Variants in MYCBP2 observed in about 807,000 individuals in gnomAD.
MYCBP2 encodes MYC binding protein 2, also known as E3 ubiquitin-protein ligase MYCBP2.
MYCBP2 carries 120 observed loss-of-function variants against 525.3 expected under a neutral mutation model. The ratio of observed to expected loss-of-function variants is 0.23; its 90% CI spans 0.20 to 0.27. The LOEUF (loss-of-function observed/expected upper bound fraction) is 0.27. MYCBP2 is among the 10% of genes least tolerant of loss of function. The pLI, the probability that MYCBP2 is intolerant of heterozygous loss-of-function variation, is 1.00. For missense variants in MYCBP2, 4,149 were observed against 5,657.1 expected (o/e 0.73, Z 8.55); for synonymous variants, 1,894 against 1,955.8 (o/e 0.97, Z 0.83).
rs1567215530 is a variant in MYCBP2, at chr13:77,306,890, G to GC, written c.303-10217dup. Among the ~76,000 whole-genome samples the GC allele has an allele frequency of 1.3e-5, 2 of 152,116 alleles. 1 individual carries two copies. Among genetic ancestry groups the GC allele is most frequent in the African/African-American group, 4.8e-5 (2 of 41,494 alleles). On this transcript the variant is annotated intron_variant, in intron 1 of 82. Transcript: ENST00000544440. The stretch of plus-strand genomic sequence containing the variant: ...AGATGGTGGGATTTTCGGAAAGATT[G>GC]CAACAAGAACATGTGTATCAAATTT...
intron 2 of MYCBP2, among the ~76,000 whole-genome samples, chr13:77,296,008 T>C (rs886424266): frequency 1.3e-5 from 2 of 152,076 alleles, no homozygotes; most frequent in Admixed American, 6.6e-5. Context: ...TGTAGTCAGA[T>C]TGAAAAAAGA....
intron 39 of MYCBP2, among the ~76,000 whole-genome samples, chr13:77,169,369 C>G (rs987645301): frequency 5.7e-5 from 8 of 140,642 alleles, no homozygotes; most frequent in African/African-American, 1.6e-4. Flanking sequence ...GCACTCCCGC[C>G]TGGGTGACAG....
intron 80 of MYCBP2, among the ~76,000 whole-genome samples, chr13:77,053,398 C>T (rs376398832): frequency 2.6e-5 from 4 of 152,212 alleles, no homozygotes; most frequent in South Asian, 2.1e-4. Flanking sequence ...AAGCTATGTC[C>T]GGATTGGGAA....
intron 21 of MYCBP2, 106 bp from the exon 22 acceptor site, chr13:77,212,266 T>C (rs2064119381): frequency 1.1e-6 from 1 of 916,466 alleles, no homozygotes; most frequent in Non-Finnish European, 1.6e-6. Flanking sequence ...AACCTTATTT[T>C]TCACCAATTG....
chr13:77,306,563 T>G (rs1050271193), intron 1 of MYCBP2, among the ~76,000 whole-genome samples: 7 of 152,072 alleles, frequency 4.6e-5, no homozygotes, highest in African/African-American at 1.4e-4. Context: ...TAGGGGAATA[T>G]GGAAGGGAGC....
chr13:77,225,945 T>C (rs909217933), intron 18 of MYCBP2, among the ~76,000 whole-genome samples: 2 of 152,192 alleles, frequency 1.3e-5, no homozygotes, highest in Admixed American at 6.5e-5. Flanking sequence ...CTTAGTGATA[T>C]TGTTAGTACT....
intron 27 of MYCBP2, among the ~76,000 whole-genome samples, chr13:77,193,550 A>G (rs1362042671): frequency 6.6e-6 from 1 of 152,188 alleles, no homozygotes; most frequent in Non-Finnish European, 1.5e-5. Flanking sequence ...ACCAGGGAAC[A>G]CTGATCATAA....
intron 82 of MYCBP2, among the ~76,000 whole-genome samples, chr13:77,047,571 C>T (rs917931616): frequency 2.2e-4 from 34 of 152,272 alleles, no homozygotes; most frequent in Middle Eastern, 3.4e-3. Context: ...GTCAGTGCCT[C>T]ATCCCCATAT....
intron 55 of MYCBP2, chr13:77,118,222 T>A: frequency 1.7e-6 from 1 of 594,616 alleles, no homozygotes; most frequent in Admixed American, 3.0e-5. Flanking sequence ...TGGGAGGGGA[T>A]AACATCCTAA....
At chr13:77,286,100 A>G (rs1008109540) in intron 3 of MYCBP2, among the ~76,000 whole-genome samples, 4 of 152,234 alleles carry the variant, frequency 2.6e-5, no homozygotes, top group Non-Finnish European at 5.9e-5. Context: ...CCATCTGCCG[A>G]GAATAAGGTG....
chr13:77,124,123 G>C (rs1473319117), intron 54 of MYCBP2, among the ~76,000 whole-genome samples: 1 of 152,166 alleles, frequency 6.6e-6, no homozygotes, highest in East Asian at 1.9e-4. Context: ...GGTGTAATGA[G>C]TACAGCATTT....
chr13:77,270,036 T>C lies in MYCBP2; in HGVS notation c.1216A>G (p.Ile406Val). The change falls in exon 7 of 83, where the codon ATT becomes GTT. Residue 406 changes from isoleucine to valine, a missense_variant. Physicochemically the swap from Ile to Val is conservative, Grantham distance 29 (BLOSUM62 3). This residue lies in a region of MYCBP2 where 262 missense variants were observed against 419.3 expected (regional missense o/e 0.62). Transcript: ENST00000544440. Reference protein sequence around the residue: ...RGHIYNSTSRIRNRKEKKSWL... With the variant: ...RGHIYNSTSRVRNRKEKKSWL... The stretch of plus-strand genomic sequence containing the variant: ...GACTTTTTTTCTTTTCTGTTTCTAA[T>C]ACGGGATGTAGAATTGTATATATGG... 2 of 1,612,588 alleles carry C rather than the reference T, an allele frequency of 1.2e-6. No individual in the cohort carries two copies. Among genetic ancestry groups the C allele is most frequent in the Non-Finnish European group, 8.5e-7 (1 of 1,179,516 alleles).
At chr13:77,054,684 T>C (rs1333880045) in intron 80 of MYCBP2, among the ~76,000 whole-genome samples, 1 of 150,964 alleles carries the variant, frequency 6.6e-6, no homozygotes, top group Non-Finnish European at 1.5e-5. Flanking sequence ...CATTGCAGCC[T>C]CAACCCCCTG....
chr13:77,055,467 G>A (rs2154063646), intron 80 of MYCBP2, 91 bp downstream of exon 80: 1 of 1,024,216 alleles, frequency 9.8e-7, no homozygotes, highest in Non-Finnish European at 1.4e-6. Flanking sequence ...GGCTTAAGAT[G>A]GAATAATTAG....
chr13:77,098,323 T>C lies in MYCBP2; in HGVS notation c.8831A>G (p.Asn2944Ser), dbSNP rs1266798981. ...ATCGCAGGTGCTGTCTGTTAGACTA[T>C]TTGTTTTTAAAGTACTTGAGGTGCA... ...EVCTSSTLKTNSLTDSTCDDS... is the reference protein window; with the variant it reads ...EVCTSSTLKTSSLTDSTCDDS... The change falls in exon 56 of 83, where the codon AAT becomes AGT. Residue 2944 changes from asparagine to serine, a missense_variant. By Grantham distance (46) the Asn-to-Ser change is conservative. Coordinates refer to ENST00000544440, the MANE Select transcript of MYCBP2 (RefSeq NM_015057.5). 8 of 1,611,714 alleles carry C rather than the reference T, an allele frequency of 5.0e-6. No homozygotes were observed. In the African/African-American group the frequency reaches 6.7e-5, roughly 13 times the overall value.
chr13:77,065,761 C>T (rs1267638391), intron 72 of MYCBP2, among the ~76,000 whole-genome samples: 1 of 152,122 alleles, frequency 6.6e-6, no homozygotes, highest in African/African-American at 2.4e-5. Flanking sequence ...ATTTTAAAGT[C>T]ACGTAACAAT....
At chr13:77,105,762 G>A (rs1346285429) in intron 55 of MYCBP2, among the ~76,000 whole-genome samples, 1 of 152,052 alleles carries the variant, frequency 6.6e-6, no homozygotes. Flanking sequence ...CTAAGTTTAA[G>A]AGAATAATAT....
intron 82 of MYCBP2, among the ~76,000 whole-genome samples, chr13:77,049,491 C>T (rs1566268452): frequency 1.3e-5 from 2 of 152,196 alleles, no homozygotes. Flanking sequence ...TCTCTACCCT[C>T]ATCTTTTTCT....
chr13:77,098,009 T>C lies in MYCBP2; in HGVS notation c.9145A>G (p.Met3049Val). ...AACTTTAGGAAAGAAGAACAAGCCA[T>C]TGCATCATGTACTATGCCTTCATGC... is the stretch of plus-strand genomic sequence containing the variant. ...LWHEGIVHDA[M>V]ACSSFLKFHP... The change falls in exon 56 of 83, where the codon ATG (methionine) becomes GTG (valine). Residue 3049 changes from methionine to valine, a missense_variant. Met to Val is a conservative substitution (Grantham distance 21). Around this residue, in one of 21 missense-constraint regions of MYCBP2, gnomAD observed 653 missense variants for 744.7 expected, o/e 0.88. Transcript: ENST00000544440. 4 of 1,613,694 alleles carry C rather than the reference T, an allele frequency of 2.5e-6. No individual in the cohort carries two copies. The highest frequency in any genetic ancestry group is 3.4e-6 in the Non-Finnish European group (4 of 1,179,810).
Sources: allele counts gnomAD v4.1 joint callset (sites outside exome capture counted in the v4.1 genomes callset), GRCh38; gene constraint gnomAD v4.1.1; regional missense constraint gnomAD v4.1.1; transcripts MANE v1.5; gene names NCBI Gene and HGNC (gene_info 2026-07-23, HGNC 2026-07-21).